PYGL: variants seen among roughly 807,000 people sequenced by gnomAD.
PYGL encodes glycogen phosphorylase L, also known as glycogen phosphorylase, liver form.
PYGL carries 90 observed loss-of-function variants against 100.1 expected under a neutral mutation model. The ratio of observed to expected loss-of-function variants is 0.90; its 90% confidence interval spans 0.76 to 1.07. PYGL has a LOEUF of 1.07. Among genes scored for constraint, PYGL ranks in the 50% least tolerant of loss-of-function variants. PYGL has a pLI of 0.00. For missense variants in PYGL, 1,016 were observed against 1,057.6 expected (o/e 0.96, Z 0.55); for synonymous variants, 373 against 393.0 (o/e 0.95, Z 0.60).
chr14:50,940,863 G>A (rs999411272), intron 1 of PYGL, among the ~76,000 whole-genome samples: 1 of 152,126 alleles, frequency 6.6e-6, no homozygotes, highest in Non-Finnish European at 1.5e-5. Context: ...GGGTACTTCC[G>A]GGAAGACCTC....
chr14:50,930,418 G>A (rs1033019700), intron 4 of PYGL, among the ~76,000 whole-genome samples: 1 of 152,172 alleles, frequency 6.6e-6, no homozygotes, highest in Non-Finnish European at 1.5e-5. Flanking sequence ...GAGAAATTAG[G>A]ACCCAGGCTT....
At position 50,916,707 on chromosome 14, in the gene PYGL, GGTGA is replaced by G; in HGVS notation, c.1023_1026del (p.His342LeufsTer8). On this transcript the variant is annotated frameshift_variant, in exon 9 of 20. Transcript: ENST00000216392. LOFTEE classifies it high-confidence loss of function. ...ATCAGCTCAGGGATCGCGAGTGCAG[GGTGA>G]GTGTCATTCAGCTGGATGGCCACCT... is the stretch of plus-strand genomic sequence containing the variant. 1 of 1,614,152 alleles carries G rather than the reference GGTGA, an allele frequency of 6.2e-7. No homozygotes were observed. The highest frequency in any genetic ancestry group is 1.1e-5 in the South Asian group (1 of 91,076).
At chr14:50,919,219 G>A (rs1226818297) in intron 7 of PYGL, among the ~76,000 whole-genome samples, 3 of 152,218 alleles carry the variant, frequency 2.0e-5, no homozygotes, top group African/African-American at 7.2e-5. Flanking sequence ...AGCCCCTGCA[G>A]ACTGGGTTTA....
intron 5 of PYGL, chr14:50,923,687 C>CAAA (rs762951824): frequency 0.14 from 16,555 of 118,936 alleles, 1,489 homozygotes; most frequent in East Asian, 0.3. Flanking sequence ...AATTTTCTGG[C>CAAA]AAAAAAAAAA....
chr14:50,928,739 T>C (rs879877714), intron 4 of PYGL, among the ~76,000 whole-genome samples: 12 of 152,172 alleles, frequency 7.9e-5, no homozygotes, highest in South Asian at 2.1e-4. Flanking sequence ...CTTCCCAGCA[T>C]GTGGAATTTT....
At chr14:50,919,554 A>G (rs1056853018) in intron 7 of PYGL, among the ~76,000 whole-genome samples, 1 of 152,190 alleles carries the variant, frequency 6.6e-6, no homozygotes, top group African/African-American at 2.4e-5. Context: ...GACCACTTTA[A>G]AAAAATCATT....
In PYGL at chr14:50,927,847, A is replaced by T. The variant is rs1049046442; in HGVS notation, c.529-3747T>A. On this transcript the variant is annotated intron_variant, in intron 4 of 19. Transcript: ENST00000216392. ...CCACTAAATCTACAGAAGCTGCAAG[A>T]TGGTGATAAACCTTCTCTCTACCTT... is the stretch of plus-strand genomic sequence containing the variant. 2.6e-5 allele frequency among the ~76,000 whole-genome samples: 4 copies of T among 152,224 alleles called. No homozygotes were observed. In the East Asian group the frequency reaches 7.7e-4, roughly 29 times the overall value.
intron 17 of PYGL, 53 bp from the exon 18 acceptor site, chr14:50,909,008 G>T: frequency 1.3e-6 from 2 of 1,537,802 alleles, no homozygotes; most frequent in Non-Finnish European, 1.8e-6. Context: ...ATTGTGTTGT[G>T]TGATTAACAA....
chr14:50,940,295 T>C (rs2050692268), intron 1 of PYGL, among the ~76,000 whole-genome samples: 1 of 152,238 alleles, frequency 6.6e-6, no homozygotes, highest in African/African-American at 2.4e-5. Context: ...TTAAGTAATC[T>C]ACAAAAAGCT....
At position 50,911,717 on chromosome 14, in the gene PYGL, A is replaced by T. The variant is rs376523721; in HGVS notation, c.1969+13T>A. On this transcript the variant is annotated intron_variant, in intron 16 of 19. Transcript: ENST00000216392. The stretch of plus-strand genomic sequence containing the variant: ...TGCCCTGGCCCCTGCATATTTTGCA[A>T]TGAGGGTAGTACCTTTTTCAGCAAG... The T allele has an allele frequency of 6.2e-7, 1 of 1,614,124 alleles. No individual in the cohort carries two copies. The highest frequency in any genetic ancestry group is 8.5e-7 in the Non-Finnish European group (1 of 1,179,984).
Position 50,909,970 on chromosome 14 carries a change from G to T in PYGL, c.2102C>A (p.Ala701Glu). The part of the protein sequence containing the change: ...GTMDGANVEM[A>E]EEAGEENLFI... ...CAGGTTCTCTTCCCCAGCTTCTTCT[G>T]CCATTTCCACATTGGCCCCATCCAT... Residue 701 changes from alanine to glutamate, a missense_variant, in exon 17 of 20, where the codon GCA (alanine) becomes GAA (glutamate). Transcript: ENST00000216392. 6.2e-7 allele frequency: 1 copy of T among 1,614,148 alleles called. No individual in the cohort carries two copies. Among genetic ancestry groups the T allele is most frequent in the Middle Eastern group, 1.6e-4 (1 of 6,062 alleles).
rs2050360000 is a variant in PYGL, at chr14:50,908,812, G to C, written c.2312+9C>G. ...ATCCAAATAGCACCATCTTCTTATG[G>C]GAACTCACCTGTCATGATAAAATAG... On this transcript the variant is annotated intron_variant, in intron 18 of 19. Coordinates refer to ENST00000216392, the MANE Select transcript of PYGL (RefSeq NM_002863.5). 1 of 1,557,192 alleles carries C rather than the reference G, an allele frequency of 6.4e-7. No individual in the cohort carries two copies. Among genetic ancestry groups the C allele is most frequent in the Non-Finnish European group, 8.9e-7 (1 of 1,128,470 alleles).
intron 4 of PYGL, among the ~76,000 whole-genome samples, chr14:50,931,056 T>C (rs2050596828): frequency 6.6e-6 from 1 of 152,204 alleles, no homozygotes; most frequent in Non-Finnish European, 1.5e-5. Context: ...CCAGATTTAT[T>C]TGCTATAACA....
intron 5 of PYGL, among the ~76,000 whole-genome samples, chr14:50,922,635 C>T (rs1311761114): frequency 1.3e-5 from 2 of 152,180 alleles, no homozygotes; most frequent in African/African-American, 4.8e-5. Context: ...AAGCTGCGCT[C>T]TCTGGGACAC....
chr14:50,933,760 A>T (rs12881559), intron 3 of PYGL, among the ~76,000 whole-genome samples: 1 of 152,014 alleles, frequency 6.6e-6, no homozygotes, highest in African/African-American at 2.4e-5. Flanking sequence ...ACACACACAC[A>T]TATATACACA....
chr14:50,915,405 A>G lies in PYGL; in HGVS notation c.1334T>C (p.Leu445Pro), dbSNP rs2050437440. ...EGSKRINMAH[L>P]CIVGSHAVNG... The stretch of plus-strand genomic sequence containing the variant: ...CACAGCATGGGAACCGACAATGCAG[A>G]GATGGGCCATGTTGATCCTTTTGCT... The change falls in exon 11 of 20, where the codon CTC becomes CCC. Residue 445 changes from leucine to proline, a missense_variant. By Grantham distance (98) the Leu-to-Pro change is moderately conservative. Transcript: ENST00000216392. The G allele has an allele frequency of 6.2e-7, 1 of 1,614,190 alleles. No individual in the cohort carries two copies. The highest frequency in any genetic ancestry group is 2.2e-5 in the East Asian group (1 of 44,874).
intron 5 of PYGL, chr14:50,923,098 AC>A (rs1158272920): frequency 6.6e-6 from 1 of 152,000 alleles, no homozygotes; most frequent in Non-Finnish European, 1.5e-5. Flanking sequence ...CACTTATATT[AC>A]CTCTGCCCCC....
At chr14:50,936,002 G>A (rs942089284) in intron 2 of PYGL, among the ~76,000 whole-genome samples, 2 of 152,214 alleles carry the variant, frequency 1.3e-5, no homozygotes, top group African/African-American at 4.8e-5. Context: ...GCCCCAAAGT[G>A]CTGGGGATCA....
chr14:50,925,808 G>C (rs1596043891), intron 4 of PYGL, among the ~76,000 whole-genome samples: 1 of 152,200 alleles, frequency 6.6e-6, no homozygotes, highest in Non-Finnish European at 1.5e-5. Flanking sequence ...AGGAGTTAGA[G>C]AGCCACTGGA....
Sources: allele counts gnomAD v4.1 joint callset (sites outside exome capture counted in the v4.1 genomes callset), GRCh38; gene constraint gnomAD v4.1.1; transcripts MANE v1.5; gene names NCBI Gene and HGNC (gene_info 2026-07-23, HGNC 2026-07-21).